The following RNF111 variants were observed in gnomAD, a reference collection of about 807,000 sequenced individuals.
RNF111 encodes ring finger protein 111.
Under a neutral mutation model 95.1 loss-of-function variants are expected in RNF111, and 17 were observed. The ratio of observed to expected loss-of-function variants is 0.18; its 90% CI spans 0.12 to 0.27. The LOEUF (loss-of-function observed/expected upper bound fraction) is 0.27. Ranked by LOEUF, RNF111 falls within the 10% of genes least tolerant of loss-of-function variation. The probability of loss-of-function intolerance (pLI) is 1.00; values close to 1 mark genes in which losing one functional copy is unlikely to be tolerated. For missense variants in RNF111, 1,189 were observed against 1,210.4 expected, an observed-to-expected ratio of 0.98 and a Z score of 0.26; for synonymous variants, 440 against 414.8, an observed-to-expected ratio of 1.06 and a Z score of -0.74.
At chr15:59,053,761 G>A (rs1240661174) in intron 3 of RNF111, among the ~76,000 whole-genome samples, 1 of 152,096 alleles carries the variant, frequency 6.6e-6, no homozygotes, top group African/African-American at 2.4e-5. Context: ...TGTAGGACTA[G>A]AGATCTTGTT....
At chr15:59,093,419 C>T (rs754870272) in intron 13 of RNF111, 12 of 437,822 alleles carry the variant, frequency 2.7e-5, no homozygotes, top group African/African-American at 2.6e-4. Flanking sequence ...AGTCTCAGCT[C>T]ACTGCAACCT....
intron 1 of RNF111, among the ~76,000 whole-genome samples, chr15:59,006,203 G>C (rs1269831372): frequency 1.3e-5 from 2 of 152,190 alleles, no homozygotes; most frequent in African/African-American, 2.4e-5. Context: ...CAACCAAGTT[G>C]ATGTTTGATG....
At chr15:59,014,348 T>C (rs150587875) in intron 1 of RNF111, among the ~76,000 whole-genome samples, 20 of 152,340 alleles carry the variant, frequency 1.3e-4, no homozygotes, top group African/African-American at 4.8e-4. Context: ...CAAGTCAGAA[T>C]CTGAGCACTA....
chr15:59,044,024 CTG>C (rs1213810010), intron 2 of RNF111, among the ~76,000 whole-genome samples: 1 of 151,940 alleles, frequency 6.6e-6, no homozygotes, highest in Non-Finnish European at 1.5e-5. Flanking sequence ...AGATTGGAAA[CTG>C]TCTTTTTTTT....
chr15:59,075,588 A>G (rs2043131782), intron 6 of RNF111, among the ~76,000 whole-genome samples: 1 of 152,204 alleles, frequency 6.6e-6, no homozygotes, highest in Non-Finnish European at 1.5e-5. Flanking sequence ...ACTAGTCACA[A>G]TGTTGGGATA....
intron 2 of RNF111, among the ~76,000 whole-genome samples, chr15:59,033,867 T>C (rs1208834741): frequency 6.6e-6 from 1 of 152,140 alleles, no homozygotes; most frequent in Admixed American, 6.5e-5. Context: ...GAAACAGAAA[T>C]CCAAAATGTT....
At chr15:59,081,572 A>G (rs2078745630) in intron 8 of RNF111, among the ~76,000 whole-genome samples, 1 of 152,196 alleles carries the variant, frequency 6.6e-6, no homozygotes, top group African/African-American at 2.4e-5. Context: ...GTAACTTGTA[A>G]CTATAAGCTG....
chr15:59,041,410 C>T (rs1033620460), intron 2 of RNF111, among the ~76,000 whole-genome samples: 4 of 151,936 alleles, frequency 2.6e-5, no homozygotes, highest in Admixed American at 2.0e-4. Flanking sequence ...AAAAATTAGC[C>T]GGGTGTGGTG....
intron 1 of RNF111, among the ~76,000 whole-genome samples, chr15:58,992,840 A>G (rs2038879199): frequency 6.6e-6 from 1 of 151,960 alleles, no homozygotes; most frequent in Non-Finnish European, 1.5e-5. Flanking sequence ...AGTAAATGAA[A>G]TAAAATAAAA....
chr15:58,991,297 A>G (rs1248475033), intron 1 of RNF111, among the ~76,000 whole-genome samples: 1 of 152,150 alleles, frequency 6.6e-6, no homozygotes, highest in Non-Finnish European at 1.5e-5. Flanking sequence ...CTTGAAAAAA[A>G]ACAAAACAAC....
chr15:59,043,208 G>A (rs1288895082), intron 2 of RNF111, among the ~76,000 whole-genome samples: 1 of 150,330 alleles, frequency 6.7e-6, no homozygotes, highest in African/African-American at 2.5e-5. Flanking sequence ...AGGCTGGAGT[G>A]CAGTGGTGCG....
chr15:59,060,371 A>G (rs2042381826), intron 5 of RNF111, among the ~76,000 whole-genome samples: 1 of 152,130 alleles, frequency 6.6e-6, no homozygotes, highest in African/African-American at 2.4e-5. Context: ...TTGGGAGGCC[A>G]GGGACGCAGA....
intron 10 of RNF111, among the ~76,000 whole-genome samples, chr15:59,086,720 C>T (rs575146050): frequency 5.2e-4 from 79 of 152,258 alleles, no homozygotes; most frequent in Non-Finnish European, 8.8e-4. Context: ...ATAGCACAAG[C>T]ACTGGGAACT....
At chr15:58,990,604 C>T (rs117664806) in intron 1 of RNF111, among the ~76,000 whole-genome samples, 8 of 152,282 alleles carry the variant, frequency 5.3e-5, no homozygotes, top group Middle Eastern at 3.4e-3. Flanking sequence ...AAGCGGAGAT[C>T]GTGCCACTCA....
At chr15:59,006,767 G>A (rs2039558748) in intron 1 of RNF111, among the ~76,000 whole-genome samples, 1 of 152,094 alleles carries the variant, frequency 6.6e-6, no homozygotes, top group East Asian at 1.9e-4. Context: ...ACTAACTAGA[G>A]TCAAATATTT....
rs779599277 is a variant in RNF111 at position 59,085,762 on chromosome 15, C to G, written c.2527C>G (p.Gln843Glu). The change falls in exon 10 of 14, where the codon CAA becomes GAA. Residue 843 changes from glutamine (Q) to glutamate (E), a missense_variant. By Grantham distance (29) the Gln-to-Glu change is conservative. Around this residue, in one of 2 missense-constraint regions of RNF111, gnomAD observed 165 missense variants for 284.6 expected, o/e 0.58. Transcript: ENST00000348370. ...YHAPPRLHHL[Q>E]LGALPLMVPD... The stretch of plus-strand genomic sequence containing the variant: ...CGCACCTCCTCGACTTCATCACTTA[C>G]AATTAGGAGCTCTTCCTTTAATGGT... 1.9e-6 allele frequency: 3 copies of G among 1,613,160 alleles called. No homozygotes were observed. Among genetic ancestry groups the G allele is most frequent in the Non-Finnish European group, 8.5e-7 (1 of 1,179,446 alleles).
chr15:59,059,346 A>T (rs1414769957), intron 5 of RNF111, among the ~76,000 whole-genome samples: 1 of 152,198 alleles, frequency 6.6e-6, no homozygotes, highest in African/African-American at 2.4e-5. Flanking sequence ...CACAAACAAA[A>T]ATAGAAAATC....
rs1199181935 is a variant in RNF111, at chr15:58,997,633, A to G, written c.-20+9565A>G. Among the ~76,000 whole-genome samples the G allele has an allele frequency of 3.3e-5, 5 of 151,830 alleles. No individual in the cohort carries two copies. The East Asian group carries it at 5.9e-4, about 18-fold the overall frequency. On this transcript the variant is annotated intron_variant, in intron 1 of 13. Transcript: ENST00000348370. The stretch of plus-strand genomic sequence containing the variant: ...AGAGATCGAGACCATCCTGGGCAAC[A>G]TGGGGAAACTCCATCTCTACTAAAA...
At chr15:58,990,597 C>T (rs560504350) in intron 1 of RNF111, among the ~76,000 whole-genome samples, 7 of 152,156 alleles carry the variant, frequency 4.6e-5, no homozygotes, top group East Asian at 1.9e-4. Context: ...TTGCAGTAAG[C>T]GGAGATCGTG....
Sources: gnomAD v4.1 joint callset for allele counts (sites outside exome capture counted in the v4.1 genomes callset) on GRCh38, gnomAD v4.1.1 for gene constraint, gnomAD v4.1.1 regional missense constraint, MANE v1.5 for transcripts, NCBI Gene and HGNC (gene_info 2026-07-23, HGNC 2026-07-21) for gene names.